The following CDH9 variants were observed in gnomAD, a reference collection of about 807,000 sequenced individuals.
The protein encoded by CDH9 is cadherin-9.
A neutral mutation model predicts 70.9 loss-of-function variants in CDH9; 28 were observed. The observed-to-expected ratio is 0.40, with a 90% CI of 0.29 to 0.54. The LOEUF (loss-of-function observed/expected upper bound fraction) is 0.54, where lower values mean the gene tolerates loss of function less well. Ranked by LOEUF, CDH9 falls within the 20% of genes least tolerant of loss-of-function variation. CDH9 has a pLI of 0.59. For synonymous variants in CDH9, 409 were observed against 343.1 expected, an observed-to-expected ratio of 1.19 and a Z score of -2.12; for missense variants, 874 against 984.4, an observed-to-expected ratio of 0.89 and a Z score of 1.50.
chr5:26,948,874 C>G (rs1741798101), intron 2 of CDH9, among the ~76,000 whole-genome samples: 1 of 152,168 alleles, frequency 6.6e-6, no homozygotes, highest in South Asian at 2.1e-4. Context: ...ACGGTGCAAT[C>G]TTCACTGGAA....
intron 1 of CDH9, among the ~76,000 whole-genome samples, chr5:26,997,758 GGT>G (rs970002423): frequency 6.6e-6 from 1 of 151,488 alleles, no homozygotes; most frequent in African/African-American, 2.4e-5. Flanking sequence ...GGAGTGCAGT[GGT>G]GTGATCTCGG....
At chr5:26,976,226 A>C (rs1473910873) in intron 2 of CDH9, among the ~76,000 whole-genome samples, 1 of 152,188 alleles carries the variant, frequency 6.6e-6, no homozygotes, top group Non-Finnish European at 1.5e-5. Flanking sequence ...AACCTGAACT[A>C]TTTCTACCTT....
chr5:26,914,822 AT>A (rs1026314137), intron 3 of CDH9, among the ~76,000 whole-genome samples: 1 of 152,080 alleles, frequency 6.6e-6, no homozygotes, highest in African/African-American at 2.4e-5. Flanking sequence ...AATTTGGGAA[AT>A]TGGCTGCAGA....
intron 3 of CDH9, among the ~76,000 whole-genome samples, chr5:26,914,930 A>G (rs1741121953): frequency 6.6e-6 from 1 of 152,018 alleles, no homozygotes; most frequent in Admixed American, 6.6e-5. Flanking sequence ...CTTTTATATT[A>G]ATAGAGTTAA....
intron 4 of CDH9, 108 bp downstream of exon 4, chr5:26,906,611 C>T: frequency 1.4e-6 from 2 of 1,397,454 alleles, no homozygotes; most frequent in Non-Finnish European, 1.9e-6. Flanking sequence ...CAAATAGAAA[C>T]ATGAAACTGA....
At chr5:27,027,608 C>T (rs1195278275) in intron 1 of CDH9, among the ~76,000 whole-genome samples, 2 of 152,034 alleles carry the variant, frequency 1.3e-5, no homozygotes, top group Non-Finnish European at 2.9e-5. Context: ...TAGAGTATAA[C>T]TAATTTTTGT....
intron 7 of CDH9, among the ~76,000 whole-genome samples, chr5:26,899,993 A>C (rs1305857198): frequency 1.3e-5 from 2 of 152,074 alleles, no homozygotes; most frequent in African/African-American, 4.8e-5. Context: ...ATAAAAGTTA[A>C]CAATATTAAA....
At chr5:26,964,799 A>T (rs1205120878) in intron 2 of CDH9, among the ~76,000 whole-genome samples, 1 of 11,416 alleles carries the variant, frequency 8.8e-5, no homozygotes, top group African/African-American at 3.3e-4. Context: ...ACCACCCCCC[A>T]ACAGGCCCCA....
At chr5:27,004,072 T>G (rs1254300881) in intron 1 of CDH9, among the ~76,000 whole-genome samples, 2 of 135,382 alleles carry the variant, frequency 1.5e-5, no homozygotes, top group African/African-American at 2.8e-5. Flanking sequence ...ATTGGGGAGG[T>G]AGTTACTTTT....
intron 7 of CDH9, among the ~76,000 whole-genome samples, chr5:26,891,373 G>A (rs773604764): frequency 6.6e-6 from 1 of 152,072 alleles, no homozygotes; most frequent in Admixed American, 6.6e-5. Flanking sequence ...TTAATCCTAT[G>A]AGCCCTTAAA....
chr5:26,996,754 A>T (rs112110352), intron 1 of CDH9, among the ~76,000 whole-genome samples: 3,376 of 151,522 alleles, frequency 0.022, 140 homozygotes, highest in African/African-American at 0.077. Context: ...ATATATCTAT[A>T]TCTATATCTA....
intron 2 of CDH9, among the ~76,000 whole-genome samples, chr5:26,963,923 G>A (rs1579480850): frequency 6.6e-6 from 1 of 152,062 alleles, no homozygotes; most frequent in East Asian, 1.9e-4. Flanking sequence ...TATGATCTTA[G>A]AAAAAACAAT....
intron 2 of CDH9, among the ~76,000 whole-genome samples, chr5:26,939,285 G>A (rs1453540524): frequency 6.6e-6 from 1 of 151,638 alleles, no homozygotes; most frequent in Non-Finnish European, 1.5e-5. Context: ...GTATCAACTA[G>A]TATTGTTAAT....
intron 2 of CDH9, among the ~76,000 whole-genome samples, chr5:26,971,422 C>T (rs1166002673): frequency 1.3e-5 from 2 of 152,092 alleles, no homozygotes; most frequent in East Asian, 3.9e-4. Flanking sequence ...TAGCGAAATA[C>T]CTGCTTAGTA....
chr5:27,015,177 C>T (rs1480493060), intron 1 of CDH9, among the ~76,000 whole-genome samples: 1 of 151,704 alleles, frequency 6.6e-6, no homozygotes, highest in African/African-American at 2.4e-5. Context: ...TTAATAGAGG[C>T]CTGACTGCAA....
chr5:26,918,071 G>C (rs1014853554), intron 2 of CDH9, among the ~76,000 whole-genome samples: 1 of 151,954 alleles, frequency 6.6e-6, no homozygotes, highest in Admixed American at 6.6e-5. Flanking sequence ...ATACATCCAG[G>C]ATAATCTGGC....
Position 26,881,643 on chromosome 5 carries a change from A to G in CDH9, c.1883-20T>C, listed in dbSNP as rs2111961780. 1.9e-6 allele frequency: 3 copies of G among 1,586,096 alleles called. No individual in the cohort carries two copies. The highest frequency in any genetic ancestry group is 2.6e-6 in the Non-Finnish European group (3 of 1,171,190). On this transcript the variant is annotated intron_variant, in intron 11 of 11. Transcript: ENST00000231021. ...CTAAAACTATTAATAAGAAATGGGA[A>G]AATAGTGAGATTTCATGAGTCAGGA...
At chr5:26,940,222 G>A (rs377682020) in intron 2 of CDH9, among the ~76,000 whole-genome samples, 18 of 151,584 alleles carry the variant, frequency 1.2e-4, no homozygotes, top group Non-Finnish European at 2.2e-4. Context: ...ATGAGAGTAT[G>A]TATAGGATGG....
At position 26,912,662 on chromosome 5, in the gene CDH9, G is replaced by C. The variant is rs917809484; in HGVS notation, c.523+2968C>G. On this transcript the variant is annotated intron_variant, in intron 3 of 11. Coordinates refer to ENST00000231021, the MANE Select transcript of CDH9 (RefSeq NM_016279.4). The stretch of plus-strand genomic sequence containing the variant: ...TAATTTACAGGAGTTACTCACGATT[G>C]AATAAATTAAAAGATTTCCAGACTA... 2.0e-5 allele frequency among the ~76,000 whole-genome samples: 3 copies of C among 151,956 alleles called. No individual in the cohort carries two copies. In the South Asian group the frequency reaches 6.2e-4, roughly 32 times the overall value.
Sources: allele counts gnomAD v4.1 joint callset (sites outside exome capture counted in the v4.1 genomes callset), GRCh38; gene constraint gnomAD v4.1.1; transcripts MANE v1.5; gene names NCBI Gene and HGNC (gene_info 2026-07-23, HGNC 2026-07-21).